The following DAB2IP variants were observed in gnomAD, a reference collection of about 807,000 sequenced individuals.
The protein encoded by DAB2IP is disabled homolog 2-interacting protein.
DAB2IP carries 28 observed loss-of-function variants against 107.2 expected under a neutral mutation model. That is an observed-to-expected ratio of 0.26 (90% CI 0.19 to 0.36). The LOEUF (loss-of-function observed/expected upper bound fraction) is 0.36, where lower values mean the gene tolerates loss of function less well. Among genes scored for constraint, DAB2IP ranks in the 10% least tolerant of loss-of-function variants. The pLI, the probability that DAB2IP is intolerant of heterozygous loss-of-function variation, is 1.00. For missense variants in DAB2IP, 1,400 were observed against 1,644.7 expected, an observed-to-expected ratio of 0.85 and a Z score of 2.57; for synonymous variants, 755 against 706.4, an observed-to-expected ratio of 1.07 and a Z score of -1.09.
In DAB2IP at chr9:121,619,338, G is replaced by A. The variant is rs183147182; in HGVS notation, c.40+52110G>A. ...ATTTTTGTAATTTTTGTGGAGATGG[G>A]GTTTTACCATGTTGCCCAGGCTGGT... On this transcript the variant is annotated intron_variant, in intron 1 of 16. Coordinates refer to the DAB2IP transcript ENST00000259371. Among the ~76,000 whole-genome samples, 28 of 152,268 alleles carry A rather than the reference G, an allele frequency of 1.8e-4. No homozygotes were observed. In the East Asian group the frequency reaches 5.0e-3, roughly 27 times the overall value.
chr9:121,685,850 G>A (rs542851299), intron 2 of DAB2IP, among the ~76,000 whole-genome samples: 1 of 152,356 alleles, frequency 6.6e-6, no homozygotes, highest in African/African-American at 2.4e-5. Context: ...CCAGGACATG[G>A]GAAACAGCAT....
chr9:121,596,197 G>T (rs1326714481), intron 1 of DAB2IP, among the ~76,000 whole-genome samples: 2 of 152,182 alleles, frequency 1.3e-5, no homozygotes, highest in African/African-American at 4.8e-5. Context: ...TGGGCATGGT[G>T]GCGCATGCCT....
intron 15 of DAB2IP, 57 bp downstream of exon 15, chr9:121,781,608 G>A: frequency 1.3e-6 from 2 of 1,539,840 alleles, no homozygotes; most frequent in Non-Finnish European, 1.8e-6. Flanking sequence ...GGATTAGGAG[G>A]GGTGACTAGC....
At chr9:121,767,560 A>G (rs1834378534) in intron 9 of DAB2IP, among the ~76,000 whole-genome samples, 1 of 152,210 alleles carries the variant, frequency 6.6e-6, no homozygotes, top group Admixed American at 6.5e-5. Context: ...GCACTGTGCC[A>G]GGTCAGGAGA....
In DAB2IP at chr9:121,635,619, A is replaced by C. The variant is rs1321816991; in HGVS notation, c.41-43059A>C. ...GGTTAGGAAGCACCAGGGCAACCAC[A>C]GGAAGGAGGGGCGCTGAGATGGGAG... On this transcript the variant is annotated intron_variant, in intron 1 of 16. Coordinates refer to the DAB2IP transcript ENST00000259371. The surrounding 1 kb of genome is among the most constrained non-coding windows in gnomAD (Gnocchi z 4.3). Among the ~76,000 whole-genome samples, 2 of 152,224 alleles carry C rather than the reference A, an allele frequency of 1.3e-5. No homozygotes were observed. The highest frequency in any genetic ancestry group is 2.9e-5 in the Non-Finnish European group (2 of 68,030).
At chr9:121,671,671 C>T (rs908260033) in intron 1 of DAB2IP, among the ~76,000 whole-genome samples, 14 of 152,152 alleles carry the variant, frequency 9.2e-5, no homozygotes, top group African/African-American at 3.4e-4. Context: ...ACACCATTTC[C>T]TTTTGCAACT....
rs746284232 is a variant in DAB2IP at position 121,760,174 on chromosome 9, C to T, written c.905C>T (p.Ala302Val). Residue 302 changes from alanine to valine, a missense_variant, in exon 6 of 16, where the codon GCC becomes GTC. Ala to Val is a moderately conservative substitution (Grantham distance 64). Around this residue, in one of 3 missense-constraint regions of DAB2IP, gnomAD observed 517 missense variants for 748.6 expected, o/e 0.69. Coordinates refer to ENST00000408936, the Ensembl canonical transcript of DAB2IP. This position sits in a 1 kb window ranked among gnomAD's most constrained non-coding sequence, Gnocchi z 5.9. ...GTGAGCCTACCTGCTGCCTCGGTGG[C>T]CGGGCGGCAGTTCGTGGAGAAGTGG... The T allele has an allele frequency of 6.2e-7, 1 of 1,613,768 alleles. No homozygotes were observed. The highest frequency in any genetic ancestry group is 1.7e-5 in the Admixed American group (1 of 60,032).
rs1030877457 is a variant in DAB2IP, at chr9:121,633,285, G to C, written c.41-45393G>C. On this transcript the variant is annotated intron_variant, in intron 1 of 16. Transcript: ENST00000259371. This position sits in a 1 kb window ranked among gnomAD's most constrained non-coding sequence, Gnocchi z 5.1. ...CGAGGCCCAGAGAGAGGACATTCCCGCTTGACCCTCCCCAGGCCTATAAAT... is the reference window on the plus strand; with the variant it reads ...CGAGGCCCAGAGAGAGGACATTCCCCCTTGACCCTCCCCAGGCCTATAAAT... 1.3e-5 allele frequency among the ~76,000 whole-genome samples: 2 copies of C among 152,048 alleles called. No individual in the cohort carries two copies. The highest frequency in any genetic ancestry group is 4.8e-5 in the African/African-American group (2 of 41,396).
chr9:121,655,624 G>A (rs953213505), intron 1 of DAB2IP, among the ~76,000 whole-genome samples: 5 of 152,268 alleles, frequency 3.3e-5, no homozygotes, highest in South Asian at 2.1e-4. Flanking sequence ...CAGCTCAGCC[G>A]CGGACTGGTT....
chr9:121,629,508 G>T (rs553403350), intron 1 of DAB2IP, among the ~76,000 whole-genome samples: 1 of 152,136 alleles, frequency 6.6e-6, no homozygotes, highest in African/African-American at 2.4e-5. Context: ...CCGGGCAGGC[G>T]CCGGGCAGAC....
At chr9:121,773,541 CTGGG>C in intron 12 of DAB2IP, 46 bp downstream of exon 12, 1 of 1,426,918 alleles carries the variant, frequency 7.0e-7, no homozygotes, top group Non-Finnish European at 9.2e-7. Context: ...TTGGGCCCAG[CTGGG>C]GCTGTCATAC....
rs1589406586 is a variant in DAB2IP, at chr9:121,612,152, C to T, written c.40+44924C>T. ...TGGGAAACATAGCAAAACCCTGTCT[C>T]TACAAAAAAAAAAAAATTACCTGGG... On this transcript the variant is annotated intron_variant, in intron 1 of 16. Coordinates refer to the DAB2IP transcript ENST00000259371. Among the ~76,000 whole-genome samples, 3 of 149,858 alleles carry T rather than the reference C, an allele frequency of 2.0e-5. No individual in the cohort carries two copies. In the South Asian group the frequency reaches 6.4e-4, roughly 32 times the overall value.
intron 1 of DAB2IP, among the ~76,000 whole-genome samples, chr9:121,610,001 T>C (rs1831033939): frequency 6.6e-6 from 1 of 152,180 alleles, no homozygotes; most frequent in South Asian, 2.1e-4. Flanking sequence ...CACCTCTGGA[T>C]AGGGGAGGAT....
intron 13 of DAB2IP, among the ~76,000 whole-genome samples, chr9:121,775,635 T>TGAGGCAGATCCAGAGCCTGGACC (rs1316393307): frequency 3.3e-5 from 5 of 152,244 alleles, no homozygotes; most frequent in African/African-American, 1.2e-4. Flanking sequence ...TGTGCTGGAC[T>TGAGGCAGATCCAGAGCCTGGACC]GAGGCAGATC....
At chr9:121,766,384 A>C (rs982760564) in intron 8 of DAB2IP, 110 bp from the exon 9 acceptor site, 2 of 977,888 alleles carry the variant, frequency 2.0e-6, no homozygotes, top group African/African-American at 3.2e-5. Context: ...GGCTGACCTC[A>C]CGCAGCTGGC....
chr9:121,664,073 T>C (rs1833317765), intron 1 of DAB2IP, among the ~76,000 whole-genome samples: 1 of 152,200 alleles, frequency 6.6e-6, no homozygotes, highest in Admixed American at 6.5e-5. Flanking sequence ...TTTCTCCACA[T>C]TTCCTGGTGA....
At chr9:121,596,342 A>AAAAC (rs916827956) in intron 1 of DAB2IP, among the ~76,000 whole-genome samples, 4 of 152,052 alleles carry the variant, frequency 2.6e-5, no homozygotes, top group Non-Finnish European at 4.4e-5. Context: ...AAAAAAATAA[A>AAAAC]AAACAAACAA....
At chr9:121,681,448 C>A (rs1828599238) in intron 2 of DAB2IP, among the ~76,000 whole-genome samples, 1 of 152,178 alleles carries the variant, frequency 6.6e-6, no homozygotes, top group African/African-American at 2.4e-5. Flanking sequence ...TCAGTCAGAG[C>A]CAGCCTTGGG....
chr9:121,597,492 C>A (rs1830555161), intron 1 of DAB2IP, among the ~76,000 whole-genome samples: 1 of 152,188 alleles, frequency 6.6e-6, no homozygotes, highest in Non-Finnish European at 1.5e-5. Flanking sequence ...TGGGCTAATA[C>A]CAGATGCTGT....
Sources: gnomAD v4.1 joint callset for allele counts (sites outside exome capture counted in the v4.1 genomes callset) on GRCh38, gnomAD v4.1.1 for gene constraint, gnomAD v4.1.1 regional missense constraint, Gnocchi (gnomAD v3.1) non-coding constraint, MANE v1.5 for transcripts, NCBI Gene and HGNC (gene_info 2026-07-23, HGNC 2026-07-21) for gene names.